Variants in RADX observed in about 807,000 individuals in gnomAD.
RADX encodes the protein RPA-related protein RADX.
A neutral mutation model predicts 61.6 loss-of-function variants in RADX; 36 were observed. That is an observed-to-expected ratio of 0.58 (90% CI 0.45 to 0.77). The LOEUF (loss-of-function observed/expected upper bound fraction) is 0.77, where lower values mean the gene tolerates loss of function less well. Among genes scored for constraint, RADX ranks in the 30% least tolerant of loss-of-function variants. The pLI is 0.00. For missense variants in RADX, 497 were observed against 651.1 expected (o/e 0.76, Z 2.58); for synonymous variants, 272 against 237.9 (o/e 1.14, Z -1.32).
At chrX:106,661,066 C>A (rs1178168524) in intron 11 of RADX, among the ~76,000 whole-genome samples, 1 of 111,128 alleles carries the variant, frequency 9.0e-6, no homozygotes, top group Non-Finnish European at 1.9e-5. Context: ...GGGAGAACCA[C>A]CCCCATGATC....
Position 106,612,008 on chromosome X carries a change from G to A in RADX, c.-73G>A. 3.7e-6 allele frequency: 4 copies of A among 1,087,338 alleles called. No homozygotes were observed. Among genetic ancestry groups the A allele is most frequent in the Non-Finnish European group, 4.9e-6 (4 of 810,107 alleles). 89.6% of individuals were successfully genotyped at this position (1,087,338 alleles called of 1,213,427 possible). ...AGTAGCGATCGTCGCCAAAGCGCGC[G>A]GTTTTATTTCTCTCCGCTTTGGACG... On this transcript the variant is annotated 5_prime_UTR_variant, in exon 1 of 14. Coordinates refer to ENST00000372548, the MANE Select transcript of RADX (RefSeq NM_018015.6).
At chrX:106,628,915 G>A (rs1049872233) in intron 3 of RADX, among the ~76,000 whole-genome samples, 11 of 111,750 alleles carry the variant, frequency 9.8e-5, no homozygotes, top group African/African-American at 3.6e-4. Flanking sequence ...TAATACAGGC[G>A]TGAGCCGCCG....
At chrX:106,639,390 C>A in intron 8 of RADX, 137 bp from the exon 9 acceptor site, 1 of 455,138 alleles carries the variant, frequency 2.2e-6, no homozygotes, top group Non-Finnish European at 3.5e-6. Flanking sequence ...TAGAAGGATG[C>A]CAGATATAAA....
chrX:106,672,320 G>A (rs917575937), intron 13 of RADX, among the ~76,000 whole-genome samples: 1 of 111,200 alleles, frequency 9.0e-6, no homozygotes, highest in Non-Finnish European at 1.9e-5. Flanking sequence ...CCAATCCCTG[G>A]GTAACAGCTA....
intron 6 of RADX, among the ~76,000 whole-genome samples, chrX:106,634,355 C>T (rs1287573478): frequency 9.0e-6 from 1 of 110,932 alleles, no homozygotes; most frequent in Admixed American, 9.6e-5. Flanking sequence ...AGGCTAGTCT[C>T]GAACTCAACC....
At chrX:106,639,390 C>T in intron 8 of RADX, 137 bp from the exon 9 acceptor site, 1 of 455,139 alleles carries the variant, frequency 2.2e-6, no homozygotes. Flanking sequence ...TAGAAGGATG[C>T]CAGATATAAA....
chrX:106,612,015 T>C lies in RADX; in HGVS notation c.-66T>C. 8.9e-7 allele frequency: 1 copy of C among 1,127,633 alleles called. No individual in the cohort carries two copies. Among genetic ancestry groups the C allele is most frequent in the Non-Finnish European group, 1.2e-6 (1 of 844,870 alleles). The allele number at this position is 1,127,633 out of a possible 1,213,427, so 92.9% of individuals were successfully genotyped here. ...ATCGTCGCCAAAGCGCGCGGTTTTA[T>C]TTCTCTCCGCTTTGGACGGGGCAAA... On this transcript the variant is annotated 5_prime_UTR_variant, in exon 1 of 14. Transcript: ENST00000372548.
chrX:106,650,763 G>A (rs1193786050), intron 11 of RADX, among the ~76,000 whole-genome samples: 5 of 110,961 alleles, frequency 4.5e-5, no homozygotes, highest in Admixed American at 9.6e-5. Flanking sequence ...TCAGTAGGTT[G>A]GAAACAGATC....
rs1359047527 is a variant in RADX at position 106,645,152 on chromosome X, C to T, written c.1905-3161C>T. 2.7e-5 allele frequency among the ~76,000 whole-genome samples: 3 copies of T among 110,466 alleles called. No individual in the cohort carries two copies. The Admixed American group carries it at 2.9e-4, about 11-fold the overall frequency. ...TTCTAATTTAATTTATTTGGATCCT[C>T]TCTCTTTTTTTCATGGTCTGGCTAA... is the stretch of plus-strand genomic sequence containing the variant. On this transcript the variant is annotated intron_variant, in intron 10 of 13. Transcript: ENST00000372548.
At chrX:106,664,510 G>A (rs1372137124) in intron 12 of RADX, among the ~76,000 whole-genome samples, 2 of 111,546 alleles carry the variant, frequency 1.8e-5, no homozygotes, top group Non-Finnish European at 1.9e-5. Flanking sequence ...TAGTTGCTTC[G>A]TGCATCAACA....
At chrX:106,633,404 C>T (rs1039023451) in intron 6 of RADX, 152 bp downstream of exon 6, 16 of 442,879 alleles carry the variant, frequency 3.6e-5, no homozygotes, top group Non-Finnish European at 5.1e-5. Flanking sequence ...ATATTAATAT[C>T]GTTTTTTATA....
chrX:106,630,580 G>A (rs1298396987), intron 3 of RADX, among the ~76,000 whole-genome samples: 6 of 111,017 alleles, frequency 5.4e-5, no homozygotes, highest in Admixed American at 9.6e-5. Context: ...GTTACTACTC[G>A]CAAATTAAAT....
chrX:106,643,246 T>C (rs182250202), intron 10 of RADX, among the ~76,000 whole-genome samples: 33 of 111,581 alleles, frequency 3.0e-4, no homozygotes, highest in African/African-American at 1.0e-3. Flanking sequence ...GTCAGATGGG[T>C]AGTTTGCAAG....
Position 106,662,129 on chromosome X carries a change from A to G in RADX, c.2093A>G (p.Tyr698Cys), listed in dbSNP as rs752426407. The change falls in exon 12 of 14, where the codon TAC (tyrosine) becomes TGC (cysteine). Residue 698 changes from tyrosine (Y) to cysteine (C), a missense_variant. This residue lies in a region of RADX where 267 missense variants were observed against 306.9 expected (regional missense o/e 0.87). Transcript: ENST00000372548. ...KKFGLIDHLH[Y>C]SRVYPESIPR... ...TTTGGCTTAATAGATCACCTACACT[A>G]CAGCCGTGTTTATCCTGAAAGTATT... 8.3e-7 allele frequency: 1 copy of G among 1,210,850 alleles called. No homozygotes were observed. Among genetic ancestry groups the G allele is most frequent in the Admixed American group, 2.2e-5 (1 of 45,859 alleles).
Position 106,659,049 on chromosome X carries a change from C to A in RADX, c.1979-2966C>A, listed in dbSNP as rs777070258. Among the ~76,000 whole-genome samples, 3 of 110,628 alleles carry A rather than the reference C, an allele frequency of 2.7e-5. No individual in the cohort carries two copies. The East Asian group carries it at 8.5e-4, about 31-fold the overall frequency. ...GATCATGGCTCACTGCAGCCTCGACCTCCCAGGCTCAAGCAATCCTCCCAC... is the reference window on the plus strand; with the variant it reads ...GATCATGGCTCACTGCAGCCTCGACATCCCAGGCTCAAGCAATCCTCCCAC... On this transcript the variant is annotated intron_variant, in intron 11 of 13. Coordinates refer to ENST00000372548, the MANE Select transcript of RADX (RefSeq NM_018015.6).
At chrX:106,669,991 T>G (rs1928325531) in intron 13 of RADX, among the ~76,000 whole-genome samples, 1 of 111,969 alleles carries the variant, frequency 8.9e-6, no homozygotes, top group South Asian at 3.7e-4. Flanking sequence ...ATCAGGATAT[T>G]ACATTTAAAA....
chrX:106,617,020 G>GTTTTTTTT (rs60413185), intron 1 of RADX, among the ~76,000 whole-genome samples: 5 of 54,539 alleles, frequency 9.2e-5, no homozygotes, highest in Non-Finnish European at 1.6e-4. Flanking sequence ...GTGTGTGTGG[G>GTTTTTTTT]TTTTTTTTTT....
At chrX:106,655,491 C>T (rs1185085903) in intron 11 of RADX, among the ~76,000 whole-genome samples, 2 of 108,709 alleles carry the variant, frequency 1.8e-5, no homozygotes, top group African/African-American at 6.7e-5. Context: ...TCCCTCCCCC[C>T]ACCGCCCACC....
chrX:106,614,015 A>G (rs1324618722), intron 1 of RADX, among the ~76,000 whole-genome samples: 1 of 112,222 alleles, frequency 8.9e-6, no homozygotes, highest in Non-Finnish European at 1.9e-5. Flanking sequence ...GTATGCCAAA[A>G]TAAAACCCAA....
Sources: allele counts gnomAD v4.1 joint callset (sites outside exome capture counted in the v4.1 genomes callset), GRCh38; gene constraint gnomAD v4.1.1; regional missense constraint gnomAD v4.1.1; transcripts MANE v1.5; gene names NCBI Gene and HGNC (gene_info 2026-07-23, HGNC 2026-07-21).